The following FIGNL2 variants were observed in gnomAD, a reference collection of about 807,000 sequenced individuals.
FIGNL2 encodes fidgetin-like protein 2.
For missense variants in FIGNL2, 1,060 were observed against 950.2 expected (o/e 1.12, Z -1.52); for synonymous variants, 565 against 484.0 (o/e 1.17, Z -2.20).
chr12:51,831,082 C>T (rs989923432), intron 1 of FIGNL2, among the ~76,000 whole-genome samples: 2 of 152,002 alleles, frequency 1.3e-5, no homozygotes, highest in Non-Finnish European at 2.9e-5. Context: ...GGATTACAGG[C>T]GTGAGCACAA....
In FIGNL2 at chr12:51,820,434, G is replaced by A. The variant is rs756068123; in HGVS notation, c.*18C>T. On this transcript the variant is annotated 3_prime_UTR_variant, in exon 2 of 2. Transcript: ENST00000618634. ...GGGACGGAGGGACTGCGGCTCCCGC[G>A]GCCTCCCCCGCGCGCCGTCAGTGTC... is the stretch of plus-strand genomic sequence containing the variant. The A allele has an allele frequency of 3.4e-5, 53 of 1,579,504 alleles. No individual in the cohort carries two copies. The highest frequency in any genetic ancestry group is 1.7e-4 in the Admixed American group (10 of 57,542).
In FIGNL2 at chr12:51,848,617, CG is replaced by C; in HGVS notation, c.-90del. ...CGGCCCGGGGACCGGGGCGGCGGCG[CG>C]GGCCGGGGGCGACAGGCCTGGGCTG... On this transcript the variant is annotated 5_prime_UTR_variant, in exon 1 of 2. It removes the in-frame stop codon of an upstream open reading frame in the 5' UTR. Transcript: ENST00000618634. 1.2e-6 allele frequency: 1 copy of C among 851,842 alleles called. No individual in the cohort carries two copies. The highest frequency in any genetic ancestry group is 1.4e-6 in the Non-Finnish European group (1 of 708,566). 52.8% of individuals were successfully genotyped at this position (851,842 alleles called of 1,614,324 possible).
At chr12:51,825,037 T>TC (rs1939308505) in intron 1 of FIGNL2, among the ~76,000 whole-genome samples, 1 of 151,688 alleles carries the variant, frequency 6.6e-6, no homozygotes, top group South Asian at 2.1e-4. Context: ...AGAGTGAGAC[T>TC]CCATCTCAAA....
chr12:51,820,386 A>G lies in FIGNL2; in HGVS notation c.*66T>C. On this transcript the variant is annotated 3_prime_UTR_variant, in exon 2 of 2. Transcript: ENST00000618634. The stretch of plus-strand genomic sequence containing the variant: ...CTGCCAGCCGGGTTTAGTCAGTGAC[A>G]TCCCTCCCACGCGGAGGCGGCGGGG... 6.5e-7 allele frequency: 1 copy of G among 1,535,046 alleles called. No individual in the cohort carries two copies.
chr12:51,822,186 C>G lies in FIGNL2; in HGVS notation c.228G>C (p.Glu76Asp), dbSNP rs1283931023. 6 of 1,611,756 alleles carry G rather than the reference C, an allele frequency of 3.7e-6. No individual in the cohort carries two copies. Among genetic ancestry groups the G allele is most frequent in the Non-Finnish European group, 5.1e-6 (6 of 1,179,048 alleles). The change falls in exon 2 of 2, where the codon GAG becomes GAC. Residue 76 changes from glutamate to aspartate, a missense_variant. Transcript: ENST00000618634. Reference protein sequence around the residue: ...KYSGVLDSPYERPALGGYSDA... With the variant: ...KYSGVLDSPYDRPALGGYSDA... ...CGCTGTACCCGCCCAGGGCCGGACG[C>G]TCGTAGGGAGAATCCAAGACCCCAG... is the stretch of plus-strand genomic sequence containing the variant.
In FIGNL2 at chr12:51,821,127, C is replaced by G. The variant is rs1230383924; in HGVS notation, c.1287G>C (p.Leu429=). The G allele has an allele frequency of 6.9e-7, 1 of 1,448,454 alleles. No individual in the cohort carries two copies. Among genetic ancestry groups the G allele is most frequent in the Non-Finnish European group, 9.0e-7 (1 of 1,113,942 alleles). The allele number at this position is 1,448,454 out of a possible 1,614,324, so 89.7% of individuals were successfully genotyped here. ...PGSLRPPRTV[L]LFGPRGAGKA... is the part of the protein sequence containing the mutation. ...TGCCCGCGCCCCGCGGCCCAAAGAGCAGGACGGTCCGCGGCGGGCGCAGGC... is the reference window on the plus strand; with the variant it reads ...TGCCCGCGCCCCGCGGCCCAAAGAGGAGGACGGTCCGCGGCGGGCGCAGGC... Residue 429 remains leucine (L), a synonymous_variant, in exon 2 of 2, where the codon CTG becomes CTC. Coordinates refer to ENST00000618634, the MANE Select transcript of FIGNL2 (RefSeq NM_001384995.1).
Position 51,821,084 on chromosome 12 carries a change from AGCGGCCCAGCAGCGCTTTGCCCGCGCCCC to A in FIGNL2, c.1301_1329del (p.Arg434LeufsTer84), listed in dbSNP as rs1474440731. ...GTGGCGCCCAGCTGCGTGGCGAGGC[AGCGGCCCAGCAGCGCTTTGCCCGCGCCCC>A]GCGGCCCAAAGAGCAGGACGGTCCG... On this transcript the variant is annotated frameshift_variant, in exon 2 of 2. Coordinates refer to ENST00000618634, the MANE Select transcript of FIGNL2 (RefSeq NM_001384995.1). LOFTEE classifies it low-confidence loss of function (END_TRUNC). 2 of 1,301,818 alleles carry A rather than the reference AGCGGCCCAGCAGCGCTTTGCCCGCGCCCC, an allele frequency of 1.5e-6. No homozygotes were observed. Among genetic ancestry groups the A allele is most frequent in the Non-Finnish European group, 1.9e-6 (2 of 1,030,538 alleles). 80.6% of individuals were successfully genotyped at this position (1,301,818 alleles called of 1,614,324 possible).
chr12:51,821,205 C>A lies in FIGNL2; in HGVS notation c.1209G>T (p.Ala403=). The change falls in exon 2 of 2, where the codon GCG becomes GCT. Residue 403 remains alanine (A), a synonymous_variant. Coordinates refer to ENST00000618634, the MANE Select transcript of FIGNL2 (RefSeq NM_001384995.1). ...GGGGCCACACCAGCTCCTCCTCCAGCGCCGCCTTGAGCGCGCCCTGGCCCG... is the reference window on the plus strand; with the variant it reads ...GGGGCCACACCAGCTCCTCCTCCAGAGCCGCCTTGAGCGCGCCCTGGCCCG... ...DVAGQGALKA[A]LEEELVWPLL... The A allele has an allele frequency of 6.6e-7, 1 of 1,520,632 alleles. No individual in the cohort carries two copies. The highest frequency in any genetic ancestry group is 2.0e-5 in the Admixed American group (1 of 50,082). The allele number at this position is 1,520,632 out of a possible 1,614,324, so 94.2% of individuals were successfully genotyped here. A position where few individuals can be genotyped will look rare whatever the true frequency, so the allele number is the denominator to read the frequency against.
chr12:51,824,863 G>T (rs74681053), intron 1 of FIGNL2, among the ~76,000 whole-genome samples: 12,869 of 152,216 alleles, frequency 0.085, 908 homozygotes, highest in East Asian at 0.36. Flanking sequence ...GGCCAACATG[G>T]TGAAACACCG....
intron 1 of FIGNL2, among the ~76,000 whole-genome samples, chr12:51,830,336 G>A (rs1260302125): frequency 1.3e-5 from 2 of 151,684 alleles, no homozygotes; most frequent in Non-Finnish European, 2.9e-5. Flanking sequence ...GATTTTAGGT[G>A]TTCTTACCAC....
rs769059180 is a variant in FIGNL2 at position 51,822,428 on chromosome 12, CG to C, written c.-11-5del. On this transcript the variant is annotated splice_region_variant and splice_polypyrimidine_tract_variant and intron_variant, in intron 1 of 1. Coordinates refer to ENST00000618634, the MANE Select transcript of FIGNL2 (RefSeq NM_001384995.1). ...GTCCAGTGCATCTTCAACAGAGCTG[CG>C]GGCAAGAGACAGGAGGTCTGGTGAG... The C allele has an allele frequency of 3.0e-5, 49 of 1,612,972 alleles. 1 individual carries two copies. The African/African-American group carries it at 4.3e-4, about 14-fold the overall frequency.
intron 1 of FIGNL2, among the ~76,000 whole-genome samples, chr12:51,835,702 C>A (rs1157851362): frequency 6.6e-6 from 1 of 152,196 alleles, no homozygotes; most frequent in Non-Finnish European, 1.5e-5. Context: ...AGAACCTTTC[C>A]ATCACCATAG....
intron 1 of FIGNL2, among the ~76,000 whole-genome samples, chr12:51,830,458 T>A (rs1164251879): frequency 6.6e-6 from 1 of 151,100 alleles, no homozygotes; most frequent in African/African-American, 2.4e-5. Context: ...CATTTTTATT[T>A]AAAAAAAGAA....
chr12:51,838,509 C>A (rs1170565669), intron 1 of FIGNL2, among the ~76,000 whole-genome samples: 1 of 152,206 alleles, frequency 6.6e-6, no homozygotes, highest in African/African-American at 2.4e-5. Context: ...CTAGCCAGCC[C>A]TTCCCCCTCC....
intron 1 of FIGNL2, among the ~76,000 whole-genome samples, chr12:51,838,323 G>A (rs1939610436): frequency 1.3e-5 from 2 of 152,202 alleles, no homozygotes; most frequent in Admixed American, 6.5e-5. Flanking sequence ...ATTGTGGTGT[G>A]AGCCTGTTCT....
chr12:51,834,083 A>AGATG lies in FIGNL2; in HGVS notation c.-11-11660_-11-11659insCATC, dbSNP rs1939531388. ...CAGATGGACAGATGGATGAATAGAC[A>AGATG]GACAGACGGATGGGTGGATGGATGG... On this transcript the variant is annotated intron_variant, in intron 1 of 1. Transcript: ENST00000618634. Among the ~76,000 whole-genome samples the AGATG allele has an allele frequency of 1.0e-3, 4 of 3,880 alleles. No individual in the cohort carries two copies. In the Non-Finnish European group the frequency reaches 0.011, roughly 11 times the overall value. The allele number at this position is 3,880 out of a possible 152,430, so 2.5% of individuals were successfully genotyped here.
intron 1 of FIGNL2, chr12:51,838,076 G>T: frequency 6.6e-6 from 1 of 152,542 alleles, no homozygotes; most frequent in Non-Finnish European, 1.5e-5. Context: ...AAGTGTTCAT[G>T]GAGGCCGGGG....
Position 51,821,162 on chromosome 12 carries a change from A to C in FIGNL2, c.1252T>G (p.Tyr418Asp), listed in dbSNP as rs2138969223. Reference sequence around the variant, plus strand: ...CGCGGCGGGCGCAGGCTGCCCGGGTAGGCGGGCGGCCTGAGCAGGGGCCAC... The same window carrying C: ...CGCGGCGGGCGCAGGCTGCCCGGGTCGGCGGGCGGCCTGAGCAGGGGCCAC... ...LVWPLLRPPA[Y>D]PGSLRPPRTV... The change falls in exon 2 of 2, where the codon TAC (tyrosine) becomes GAC (aspartate). Residue 418 changes from tyrosine (Y) to aspartate (D), a missense_variant. Coordinates refer to ENST00000618634, the MANE Select transcript of FIGNL2 (RefSeq NM_001384995.1). 1 of 1,476,126 alleles carries C rather than the reference A, an allele frequency of 6.8e-7. No homozygotes were observed. Among genetic ancestry groups the C allele is most frequent in the East Asian group, 2.9e-5 (1 of 34,314 alleles). 91.4% of individuals were successfully genotyped at this position (1,476,126 alleles called of 1,614,324 possible).
In FIGNL2 at chr12:51,822,535, C is replaced by A. The variant is rs1592185714; in HGVS notation, c.-11-111G>T. ...ACTGCGGCTTGGACAGGCTGGGCTT[C>A]CGGCATCCACCACCTACCGCCCCAC... On this transcript the variant is annotated intron_variant, in intron 1 of 1. Transcript: ENST00000618634. 9 of 1,211,712 alleles carry A rather than the reference C, an allele frequency of 7.4e-6. No homozygotes were observed. The East Asian group carries it at 2.3e-4, about 31-fold the overall frequency. 75.1% of individuals were successfully genotyped at this position (1,211,712 alleles called of 1,614,324 possible).
Sources: allele counts gnomAD v4.1 joint callset (sites outside exome capture counted in the v4.1 genomes callset), GRCh38; gene constraint gnomAD v4.1.1; transcripts MANE v1.5; gene names NCBI Gene and HGNC (gene_info 2026-07-23, HGNC 2026-07-21).